SAYSD1: variants seen among roughly 807,000 people sequenced by gnomAD.
SAYSD1 encodes SAYSvFN domain-containing protein 1.
SAYSD1 carries 15 observed loss-of-function variants against 14.5 expected under a neutral mutation model. The observed-to-expected ratio is 1.03, with a 90% CI of 0.69 to 1.59. The LOEUF (loss-of-function observed/expected upper bound fraction) is 1.59. SAYSD1 is among the 40% of genes most tolerant of loss of function. The probability of loss-of-function intolerance (pLI) is 0.00; values close to 1 mark genes in which losing one functional copy is unlikely to be tolerated. For synonymous variants in SAYSD1, 105 were observed against 102.6 expected (o/e 1.02, Z -0.14); for missense variants, 247 against 227.3 (o/e 1.09, Z -0.56).
At position 39,115,167 on chromosome 6, in the gene SAYSD1, GCGCCGGC is replaced by G. The variant is rs1421430648; in HGVS notation, c.-85_-79del. ...CACAGCAGTTGCCTCCGCTCGGCCC[GCGCCGGC>G]CGCCGTGCGCCTGCGTGGCAGAAGC... On this transcript the variant is annotated 5_prime_UTR_variant, in exon 1 of 2. Transcript: ENST00000229903. 3.3e-5 allele frequency: 45 copies of G among 1,363,350 alleles called. No homozygotes were observed. The highest frequency in any genetic ancestry group is 3.3e-5 in the Non-Finnish European group (34 of 1,031,134). 84.5% of individuals were successfully genotyped at this position (1,363,350 alleles called of 1,614,324 possible). A position where few individuals can be genotyped will look rare whatever the true frequency, so the allele number is the denominator to read the frequency against.
chr6:39,110,242 G>T (rs151021026), intron 1 of SAYSD1: 1 of 152,998 alleles, frequency 6.5e-6, no homozygotes, highest in Admixed American at 6.5e-5. Context: ...TGGAAGTGGG[G>T]TGATGTCCTA....
chr6:39,110,666 A>G (rs1308555915), intron 1 of SAYSD1: 2 of 151,322 alleles, frequency 1.3e-5, no homozygotes, highest in Non-Finnish European at 3.0e-5. Flanking sequence ...TTTACTTGCT[A>G]TAGTTTGCAA....
intron 1 of SAYSD1, chr6:39,111,993 T>G (rs961025843): frequency 6.6e-6 from 1 of 151,942 alleles, no homozygotes; most frequent in Non-Finnish European, 1.5e-5. Flanking sequence ...TGGAGCAACA[T>G]AGGAAAGAAG....
At position 39,114,880 on chromosome 6, in the gene SAYSD1, C is replaced by T; in HGVS notation, c.207+3G>A. The T allele has an allele frequency of 6.2e-7, 1 of 1,611,592 alleles. No homozygotes were observed. On this transcript the variant is annotated splice_donor_region_variant and intron_variant, in intron 1 of 1. Coordinates refer to ENST00000229903, the MANE Select transcript of SAYSD1 (RefSeq NM_018322.3). The stretch of plus-strand genomic sequence containing the variant: ...CCTAGGGCCGAAGTTTCCATCGTCT[C>T]ACCTGAACTAGGCCGGGCTGGGCCC...
In SAYSD1 at chr6:39,104,446, C is replaced by G. The variant is rs1769453724; in HGVS notation, c.*986G>C. 1 of 152,042 alleles carries G rather than the reference C, an allele frequency of 6.6e-6. No homozygotes were observed. Among genetic ancestry groups the G allele is most frequent in the Admixed American group, 6.5e-5 (1 of 15,288 alleles). 9.4% of individuals were successfully genotyped at this position (152,042 alleles called of 1,614,324 possible). A position where few individuals can be genotyped will look rare whatever the true frequency, so the allele number is the denominator to read the frequency against. ...TACAGAATTTCTCACCAGAGGCCCA[C>G]AGGTGAAAAAGCTGCTTACTCTAAA... On this transcript the variant is annotated 3_prime_UTR_variant, in exon 2 of 2. Coordinates refer to ENST00000229903, the MANE Select transcript of SAYSD1 (RefSeq NM_018322.3).
chr6:39,108,962 A>C (rs1769570102), intron 1 of SAYSD1, among the ~76,000 whole-genome samples: 1 of 152,190 alleles, frequency 6.6e-6, no homozygotes, highest in South Asian at 2.1e-4. Context: ...AAGTTGTACA[A>C]GAGTAGGACT....
At chr6:39,111,772 T>G (rs1486091462) in intron 1 of SAYSD1, 1 of 152,198 alleles carries the variant, frequency 6.6e-6, no homozygotes, top group Non-Finnish European at 1.5e-5. Flanking sequence ...TAAAAAAAAT[T>G]ATCTGTGAAC....
intron 1 of SAYSD1, chr6:39,113,513 C>T (rs577877298): frequency 1.8e-4 from 28 of 152,696 alleles, no homozygotes; most frequent in Admixed American, 1.8e-3. Flanking sequence ...AAGGCAGAGT[C>T]CCTTATGGAA....
chr6:39,108,367 G>A (rs890597343), intron 1 of SAYSD1, among the ~76,000 whole-genome samples: 1 of 151,040 alleles, frequency 6.6e-6, no homozygotes, highest in African/African-American at 2.4e-5. Flanking sequence ...TATTTAATTA[G>A]GGGCCTTTAT....
Position 39,115,114 on chromosome 6 carries a change from C to T in SAYSD1, c.-25G>A, listed in dbSNP as rs1769722697. ...TGGCGCGCGCCTCGCGTCCGTTGGC[C>T]GATAAGGGAGCGCGCGCCCGCAGGC... On this transcript the variant is annotated 5_prime_UTR_variant, in exon 1 of 2. Coordinates refer to ENST00000229903, the MANE Select transcript of SAYSD1 (RefSeq NM_018322.3). The T allele has an allele frequency of 2.5e-6, 4 of 1,589,030 alleles. No homozygotes were observed. The highest frequency in any genetic ancestry group is 3.4e-6 in the Non-Finnish European group (4 of 1,171,858).
Position 39,109,319 on chromosome 6 carries a change from T to C in SAYSD1, c.208-3543A>G, listed in dbSNP as rs1239718507. 2.6e-6 allele frequency: 4 copies of C among 1,550,978 alleles called. No individual in the cohort carries two copies. The Admixed American group carries it at 7.8e-5, about 30-fold the overall frequency. On this transcript the variant is annotated intron_variant, in intron 1 of 1. Transcript: ENST00000229903. Reference sequence around the variant, plus strand: ...TAGGAATTTTTAAAAGTTACCAGCATTTTTGTCCTAATGTGGAAGAAGCTC... The same window carrying C: ...TAGGAATTTTTAAAAGTTACCAGCACTTTTGTCCTAATGTGGAAGAAGCTC...
chr6:39,107,854 T>C (rs534167804), intron 1 of SAYSD1, among the ~76,000 whole-genome samples: 1 of 152,204 alleles, frequency 6.6e-6, no homozygotes, highest in South Asian at 2.1e-4. Context: ...TAGCATGAGA[T>C]GACGGGGCTA....
chr6:39,109,512 C>G (rs1769586872), intron 1 of SAYSD1: 5 of 1,464,104 alleles, frequency 3.4e-6, no homozygotes, highest in Non-Finnish European at 2.7e-6. Flanking sequence ...GAGCTTGGCC[C>G]AAATGGAGGC....
chr6:39,110,874 C>A (rs184803669), intron 1 of SAYSD1: 9 of 151,582 alleles, frequency 5.9e-5, no homozygotes, highest in Non-Finnish European at 1.2e-4. Context: ...GGTGGTCTGA[C>A]AAGCACTCAC....
At chr6:39,114,770 G>C in intron 1 of SAYSD1, 113 bp downstream of exon 1, 1 of 1,025,328 alleles carries the variant, frequency 9.8e-7, no homozygotes, top group Admixed American at 2.0e-5. Context: ...ATCAGGATGG[G>C]GGGCCAGTAG....
chr6:39,111,993 T>C (rs961025843), intron 1 of SAYSD1: 6 of 151,942 alleles, frequency 3.9e-5, no homozygotes, highest in African/African-American at 4.8e-5. Context: ...TGGAGCAACA[T>C]AGGAAAGAAG....
At chr6:39,114,308 C>CT (rs539323370) in intron 1 of SAYSD1, among the ~76,000 whole-genome samples, 18 of 152,278 alleles carry the variant, frequency 1.2e-4, no homozygotes, top group South Asian at 8.3e-4. Flanking sequence ...TACTAAATCA[C>CT]TTTTTTTTGT....
intron 1 of SAYSD1, among the ~76,000 whole-genome samples, chr6:39,109,989 G>C (rs1288312748): frequency 6.6e-6 from 1 of 152,168 alleles, no homozygotes; most frequent in East Asian, 1.9e-4. Flanking sequence ...CGGATGAACA[G>C]GTTTCTCCAC....
intron 1 of SAYSD1, chr6:39,109,691 A>G: frequency 1.0e-6 from 1 of 987,772 alleles, no homozygotes; most frequent in Non-Finnish European, 1.3e-6. Context: ...GACTTCCTCT[A>G]CCAGGCTCAT....
Sources: gnomAD v4.1 joint callset for allele counts (sites outside exome capture counted in the v4.1 genomes callset) on GRCh38, gnomAD v4.1.1 for gene constraint, MANE v1.5 for transcripts, NCBI Gene and HGNC (gene_info 2026-07-23, HGNC 2026-07-21) for gene names.